TBC1D5: variants seen among roughly 807,000 people sequenced by gnomAD.
The protein encoded by TBC1D5 is TBC1 domain family, member 5.
In TBC1D5, 75 loss-of-function variants were observed where a neutral mutation model predicts 100.3. The observed-to-expected ratio is 0.75, with a 90% CI of 0.62 to 0.91. TBC1D5 has a LOEUF of 0.91. Ranked by LOEUF, TBC1D5 falls within the 40% of genes least tolerant of loss-of-function variation. The pLI, the probability that TBC1D5 is intolerant of heterozygous loss-of-function variation, is 0.00. For synonymous variants in TBC1D5, 323 were observed against 325.6 expected, an observed-to-expected ratio of 0.99 and a Z score of 0.09; for missense variants, 910 against 942.4, an observed-to-expected ratio of 0.97 and a Z score of 0.45.
In TBC1D5 at chr3:17,279,226, T is replaced by C. The variant is rs141560887; in HGVS notation, c.1245+12669A>G. Among the ~76,000 whole-genome samples the C allele has an allele frequency of 1.0e-3, 159 of 152,364 alleles. 1 individual carries two copies. The highest frequency in any genetic ancestry group is 3.6e-3 in the African/African-American group (148 of 41,586). ...TTCTTTTAAGTTCGTTAGCTGGAGA[T>C]ATCTAGTGAATCCACAATAGTTGTT... On this transcript the variant is annotated intron_variant, in intron 15 of 21. Coordinates refer to ENST00000253692, the Ensembl canonical transcript of TBC1D5.
chr3:17,162,838 G>T (rs1187633019), intron 21 of TBC1D5, among the ~76,000 whole-genome samples: 1 of 152,204 alleles, frequency 6.6e-6, no homozygotes, highest in African/African-American at 2.4e-5. Context: ...ATCAACAGAG[G>T]CCCTCAGGTT....
intron 6 of TBC1D5, 35 bp from the exon 7 acceptor site, chr3:17,404,803 C>G (rs760691009): frequency 6.3e-7 from 1 of 1,591,894 alleles, no homozygotes; most frequent in East Asian, 2.3e-5. Context: ...ACACAAGGAT[C>G]AGAGGCTACT....
chr3:17,384,138 G>A, intron 8 of TBC1D5, 123 bp from the exon 9 acceptor site: 1 of 744,968 alleles, frequency 1.3e-6, no homozygotes, highest in Non-Finnish European at 2.1e-6. Flanking sequence ...TGTTTGCCAT[G>A]TAACTTATGC....
chr3:17,282,965 G>A (rs1180692833), intron 15 of TBC1D5, among the ~76,000 whole-genome samples: 1 of 152,232 alleles, frequency 6.6e-6, no homozygotes, highest in African/African-American at 2.4e-5. Flanking sequence ...TTGGGTCTCT[G>A]AGGCGGTCAC....
intron 2 of TBC1D5, among the ~76,000 whole-genome samples, chr3:17,612,154 G>A (rs112123342): frequency 6.6e-6 from 1 of 151,652 alleles, no homozygotes; most frequent in African/African-American, 2.4e-5. Flanking sequence ...AAAAAAATTA[G>A]CTGGGTGTGG....
chr3:17,655,216 A>G (rs537398972), intron 1 of TBC1D5, among the ~76,000 whole-genome samples: 24 of 150,630 alleles, frequency 1.6e-4, no homozygotes, highest in African/African-American at 5.9e-4. Context: ...ACAAAAAACC[A>G]AACACCGCAT....
chr3:17,582,650 T>A, intron 2 of TBC1D5, among the ~76,000 whole-genome samples: 2 of 145,080 alleles, frequency 1.4e-5, no homozygotes, highest in African/African-American at 2.5e-5. Flanking sequence ...TTTTATGATT[T>A]AGGAGCCCAA....
chr3:17,331,373 T>C (rs543062479), intron 13 of TBC1D5, among the ~76,000 whole-genome samples: 1 of 152,350 alleles, frequency 6.6e-6, no homozygotes, highest in South Asian at 2.1e-4. Flanking sequence ...TGGTTGATAA[T>C]ACACAATATA....
chr3:17,687,498 G>C (rs768040173), intron 1 of TBC1D5, among the ~76,000 whole-genome samples: 55 of 152,182 alleles, frequency 3.6e-4, no homozygotes, highest in Middle Eastern at 3.4e-3. Context: ...TAATAACAAG[G>C]AGAGGGGGAA....
intron 16 of TBC1D5, among the ~76,000 whole-genome samples, chr3:17,244,264 C>T (rs2149159016): frequency 6.6e-6 from 1 of 152,302 alleles, no homozygotes; most frequent in East Asian, 1.9e-4. Context: ...ATGAAAGCCC[C>T]TTTCCAACTC....
At chr3:17,383,985 T>C in exon 9 of TBC1D5, 1 of 1,599,342 alleles carries the variant, frequency 6.3e-7, no homozygotes, top group African/African-American at 1.3e-5. Flanking sequence ...TTCTCACATT[T>C]TCTTGCTGGA....
intron 17 of TBC1D5, among the ~76,000 whole-genome samples, chr3:17,217,142 G>A (rs2073744573): frequency 6.6e-6 from 1 of 152,102 alleles, no homozygotes; most frequent in African/African-American, 2.4e-5. Flanking sequence ...GTGGTCTTCT[G>A]TGACTGGCTT....
At chr3:17,673,425 C>T (rs1477507137) in intron 1 of TBC1D5, among the ~76,000 whole-genome samples, 1 of 151,166 alleles carries the variant, frequency 6.6e-6, no homozygotes, top group African/African-American at 2.4e-5. Flanking sequence ...ATCCTCCCAC[C>T]TCAGCCTCCC....
chr3:17,313,520 T>G (rs1326663246), intron 13 of TBC1D5, among the ~76,000 whole-genome samples: 2 of 152,154 alleles, frequency 1.3e-5, no homozygotes, highest in African/African-American at 4.8e-5. Context: ...AAATAATTAC[T>G]CCTATCCTCC....
At chr3:17,297,979 G>T (rs775970821) in intron 14 of TBC1D5, among the ~76,000 whole-genome samples, 1 of 152,054 alleles carries the variant, frequency 6.6e-6, no homozygotes, top group African/African-American at 2.4e-5. Flanking sequence ...TTCTACCTCC[G>T]CATCTGTAAA....
intron 2 of TBC1D5, among the ~76,000 whole-genome samples, chr3:17,537,783 C>T (rs2096298053): frequency 6.6e-6 from 1 of 152,100 alleles, no homozygotes; most frequent in Non-Finnish European, 1.5e-5. Flanking sequence ...ATGTATATAC[C>T]ACATTTTGTC....
Position 17,202,945 on chromosome 3 carries a change from C to A in TBC1D5, c.1752+11262G>T, listed in dbSNP as rs571738154. ...GAAATGTGGGATTGGAGCCTCCACA[C>A]AGAGTCTCCGCTGGGGCACTGCCTA... On this transcript the variant is annotated intron_variant, in intron 18 of 21. Transcript: ENST00000253692. Among the ~76,000 whole-genome samples, 14 of 152,364 alleles carry A rather than the reference C, an allele frequency of 9.2e-5. 1 individual carries two copies. Among genetic ancestry groups the A allele is most frequent in the Admixed American group, 7.2e-4 (11 of 15,306 alleles).
chr3:17,201,741 TA>T (rs2071488488), intron 18 of TBC1D5, among the ~76,000 whole-genome samples: 1 of 152,154 alleles, frequency 6.6e-6, no homozygotes, highest in Non-Finnish European at 1.5e-5. Flanking sequence ...TCTGGCTGTG[TA>T]AGATGTGAAT....
At chr3:17,358,046 C>G (rs1390248424) in intron 13 of TBC1D5, among the ~76,000 whole-genome samples, 1 of 152,144 alleles carries the variant, frequency 6.6e-6, no homozygotes, top group East Asian at 1.9e-4. Flanking sequence ...CCCCACAACT[C>G]ACTCCAGTTG....
Sources: gnomAD v4.1 joint callset for allele counts (sites outside exome capture counted in the v4.1 genomes callset) on GRCh38, gnomAD v4.1.1 for gene constraint, MANE v1.5 for transcripts, NCBI Gene and HGNC (gene_info 2026-07-23, HGNC 2026-07-21) for gene names.